WNT7B: variants seen among roughly 807,000 people sequenced by gnomAD.
WNT7B encodes the protein Wnt family member 7B.
Under a neutral mutation model 38.2 loss-of-function variants are expected in WNT7B, and 19 were observed. The ratio of observed to expected loss-of-function variants is 0.50; its 90% CI spans 0.35 to 0.73. WNT7B has a LOEUF of 0.73. Ranked by LOEUF, WNT7B falls within the 30% of genes least tolerant of loss-of-function variation. The pLI is 0.01. For synonymous variants in WNT7B, 243 were observed against 209.3 expected, an observed-to-expected ratio of 1.16 and a Z score of -1.39; for missense variants, 423 against 507.9, an observed-to-expected ratio of 0.83 and a Z score of 1.61.
chr22:45,944,493 G>C (rs1036406982), intron 2 of WNT7B, among the ~76,000 whole-genome samples: 1 of 152,234 alleles, frequency 6.6e-6, no homozygotes, highest in Non-Finnish European at 1.5e-5. Flanking sequence ...TTCTGACCCT[G>C]ACCTTCAAGG....
Position 45,975,393 on chromosome 22 carries a change from G to A in WNT7B, c.71+1291C>T, listed in dbSNP as rs1932528984. Among the ~76,000 whole-genome samples, 1 of 152,098 alleles carries A rather than the reference G, an allele frequency of 6.6e-6. No homozygotes were observed. The highest frequency in any genetic ancestry group is 2.4e-5 in the African/African-American group (1 of 41,416). On this transcript the variant is annotated intron_variant, in intron 1 of 3. Coordinates refer to ENST00000339464, the MANE Select transcript of WNT7B (RefSeq NM_058238.3). The surrounding 1 kb of genome is among the most constrained non-coding windows in gnomAD (Gnocchi z 6.6). ...CCATAAACAAACACCCAGGGACACA[G>A]CCTACCCACAGACCTATGATAAACG...
At chr22:45,931,494 C>T (rs1322500412) in intron 2 of WNT7B, 125 bp from the exon 3 acceptor site, 39 of 1,198,376 alleles carry the variant, frequency 3.3e-5, no homozygotes, top group East Asian at 2.6e-4. Flanking sequence ...GCTCATCGCT[C>T]GCCCCCTCTG....
intron 1 of WNT7B, among the ~76,000 whole-genome samples, chr22:45,959,717 T>C (rs1023381904): frequency 1.8e-4 from 27 of 152,116 alleles, no homozygotes; most frequent in Admixed American, 7.9e-4. Flanking sequence ...CGCCTCGCTC[T>C]GGACTGGACA....
At chr22:45,973,548 G>A (rs1027890095) in intron 1 of WNT7B, among the ~76,000 whole-genome samples, 5 of 152,182 alleles carry the variant, frequency 3.3e-5, no homozygotes, top group Non-Finnish European at 7.3e-5. Context: ...ACAGGCTTTC[G>A]GCAGGGCTGG....
At chr22:45,945,721 A>C in intron 2 of WNT7B, among the ~76,000 whole-genome samples, 1 of 151,586 alleles carries the variant, frequency 6.6e-6, no homozygotes, top group African/African-American at 2.4e-5. Flanking sequence ...TCACCACACG[A>C]CCCCTGGCCT....
chr22:45,942,532 G>A (rs550549650), intron 2 of WNT7B, among the ~76,000 whole-genome samples: 2 of 152,360 alleles, frequency 1.3e-5, no homozygotes, highest in South Asian at 4.1e-4. Flanking sequence ...GCAGTTGAAG[G>A]ATCAGAAGCC....
In WNT7B at chr22:45,937,452, A is replaced by G. The variant is rs536640949; in HGVS notation, c.299-6083T>C. On this transcript the variant is annotated intron_variant, in intron 2 of 3. Transcript: ENST00000339464. The stretch of plus-strand genomic sequence containing the variant: ...ATTGCTCCAATCTGGCCAGAAGGGC[A>G]CACACAGTCCTGGGGGCAGGCTGAC... 2.6e-5 allele frequency among the ~76,000 whole-genome samples: 4 copies of G among 152,358 alleles called. No individual in the cohort carries two copies. In the East Asian group the frequency reaches 7.7e-4, roughly 29 times the overall value.
chr22:45,929,705 C>T (rs940142610), intron 3 of WNT7B, among the ~76,000 whole-genome samples: 3 of 111,502 alleles, frequency 2.7e-5, no homozygotes, highest in Admixed American at 2.1e-4. Context: ...CCCATCTTTC[C>T]ATCCACCCGT....
chr22:45,945,713 A>G (rs1931778521), intron 2 of WNT7B, among the ~76,000 whole-genome samples: 1 of 152,090 alleles, frequency 6.6e-6, no homozygotes, highest in Non-Finnish European at 1.5e-5. Context: ...TCACCCTCTC[A>G]CCACACGACC....
intron 2 of WNT7B, among the ~76,000 whole-genome samples, chr22:45,948,987 T>A (rs1362651534): frequency 6.6e-6 from 1 of 151,964 alleles, no homozygotes; most frequent in Non-Finnish European, 1.5e-5. Context: ...TAGCTGGGAT[T>A]GTCTGGCTAA....
intron 2 of WNT7B, among the ~76,000 whole-genome samples, chr22:45,948,631 G>A (rs114043104): frequency 0.01 from 1,540 of 152,222 alleles, 19 homozygotes; most frequent in African/African-American, 0.036. Context: ...TGGAGGGCAG[G>A]GTACATCACT....
chr22:45,927,385 G>A (rs1400389302), intron 3 of WNT7B: 5 of 1,512,182 alleles, frequency 3.3e-6, no homozygotes, highest in African/African-American at 1.4e-5. Context: ...TCCAGACTCT[G>A]CCCATCTCAC....
At position 45,926,263 on chromosome 22, in the gene WNT7B, G is replaced by A. The variant is rs143190668; in HGVS notation, c.571-2928C>T. On this transcript the variant is annotated intron_variant, in intron 3 of 3. Transcript: ENST00000339464. ...CAATGGTGGTGCCAGCACTGAGACC[G>A]GCCCCCTGCCCCAAGAGACCACCTG... 4.0e-4 allele frequency: 395 copies of A among 985,404 alleles called. 7 individuals are homozygous for A. In the Admixed American group the frequency reaches 0.018, roughly 46 times the overall value. The allele number at this position is 985,404 out of a possible 1,614,324, so 61.0% of individuals were successfully genotyped here. A position where few individuals can be genotyped will look rare whatever the true frequency, so the allele number is the denominator to read the frequency against.
At chr22:45,963,781 C>T (rs1932249001) in intron 1 of WNT7B, among the ~76,000 whole-genome samples, 2 of 152,162 alleles carry the variant, frequency 1.3e-5, no homozygotes, top group Non-Finnish European at 2.9e-5. Flanking sequence ...CCTGGCTCTC[C>T]CCAGACTCTG....
chr22:45,955,581 G>A (rs189327733), intron 1 of WNT7B, among the ~76,000 whole-genome samples: 2 of 152,326 alleles, frequency 1.3e-5, no homozygotes, highest in African/African-American at 4.8e-5. Flanking sequence ...GTGGCTGTGA[G>A]TGCAGAGATG....
At position 45,951,997 on chromosome 22, in the gene WNT7B, G is replaced by A. The variant is rs989860821; in HGVS notation, c.72-1851C>T. ...ATCTGGCTTTAAGCACCCATGGAAG[G>A]GGCAGTGAGCTGGAAGGAGGGGGGC... On this transcript the variant is annotated intron_variant, in intron 1 of 3. Coordinates refer to ENST00000339464, the MANE Select transcript of WNT7B (RefSeq NM_058238.3). The surrounding 1 kb of genome is among the most constrained non-coding windows in gnomAD (Gnocchi z 4.8). Among the ~76,000 whole-genome samples the A allele has an allele frequency of 2.1e-4, 32 of 152,214 alleles. No homozygotes were observed. Among genetic ancestry groups the A allele is most frequent in the Non-Finnish European group, 4.7e-4 (32 of 68,052 alleles).
At chr22:45,955,600 G>T (rs1041731806) in intron 1 of WNT7B, among the ~76,000 whole-genome samples, 1 of 152,146 alleles carries the variant, frequency 6.6e-6, no homozygotes, top group Admixed American at 6.5e-5. Context: ...TGCTGGGAGC[G>T]GGGGCATTCA....
In WNT7B at chr22:45,975,766, C is replaced by T. The variant is rs1286417906; in HGVS notation, c.71+918G>A. 5.4e-6 allele frequency: 2 copies of T among 367,792 alleles called. No individual in the cohort carries two copies. Among genetic ancestry groups the T allele is most frequent in the Admixed American group, 9.4e-5 (2 of 21,282 alleles). 22.8% of individuals were successfully genotyped at this position (367,792 alleles called of 1,614,324 possible). A position where few individuals can be genotyped will look rare whatever the true frequency, so the allele number is the denominator to read the frequency against. ...GCGCAGGGCGCGGCGGGGCCCGGGTCCCCGCAGGTGCGAGGAGCGCGGGGC... is the reference window on the plus strand; with the variant it reads ...GCGCAGGGCGCGGCGGGGCCCGGGTTCCCGCAGGTGCGAGGAGCGCGGGGC... On this transcript the variant is annotated intron_variant, in intron 1 of 3. Coordinates refer to ENST00000339464, the MANE Select transcript of WNT7B (RefSeq NM_058238.3). This position sits in a 1 kb window ranked among gnomAD's most constrained non-coding sequence, Gnocchi z 6.6.
At chr22:45,938,670 G>A (rs1931570700) in intron 2 of WNT7B, among the ~76,000 whole-genome samples, 1 of 152,086 alleles carries the variant, frequency 6.6e-6, no homozygotes, top group South Asian at 2.1e-4. Context: ...ATACACACAG[G>A]TGGAAGGAGT....
Sources: allele counts gnomAD v4.1 joint callset (sites outside exome capture counted in the v4.1 genomes callset), GRCh38; gene constraint gnomAD v4.1.1; non-coding constraint Gnocchi (gnomAD v3.1); transcripts MANE v1.5; gene names NCBI Gene and HGNC (gene_info 2026-07-23, HGNC 2026-07-21).